The following SCLT1 variants were observed in gnomAD, a reference collection of about 807,000 sequenced individuals.
The protein encoded by SCLT1 is sodium channel-associated protein 1.
SCLT1 carries 78 observed loss-of-function variants against 112.8 expected under a neutral mutation model. The ratio of observed to expected loss-of-function variants is 0.69; its 90% confidence interval spans 0.58 to 0.83. The LOEUF (loss-of-function observed/expected upper bound fraction) is 0.83, where lower values mean the gene tolerates loss of function less well. SCLT1 is among the 40% of genes least tolerant of loss of function. The pLI, the probability that SCLT1 is intolerant of heterozygous loss-of-function variation, is 0.00. For synonymous variants in SCLT1, 257 were observed against 254.7 expected, an observed-to-expected ratio of 1.01 and a Z score of -0.09; for missense variants, 747 against 770.4, an observed-to-expected ratio of 0.97 and a Z score of 0.36.
intron 2 of SCLT1, among the ~76,000 whole-genome samples, chr4:129,066,405 T>C (rs998199365): frequency 8.6e-5 from 13 of 151,862 alleles, no homozygotes; most frequent in Non-Finnish European, 1.8e-4. Context: ...CAAAACAAAA[T>C]ATTTGACATT....
chr4:128,942,890 A>G, intron 17 of SCLT1, 106 bp downstream of exon 17: 1 of 734,604 alleles, frequency 1.4e-6, no homozygotes, highest in Non-Finnish European at 2.3e-6. Context: ...ATCTGATGAG[A>G]AGGCAAAAAA....
Position 128,948,575 on chromosome 4 carries a change from A to G in SCLT1, c.1219-5T>C. On this transcript the variant is annotated splice_region_variant and splice_polypyrimidine_tract_variant and intron_variant, in intron 14 of 20. Transcript: ENST00000281142. ...GCCTTGTTTTTCAGCACACTCCTATAAATTCAAGTCATATTGTAAATATAT... is the reference window on the plus strand; with the variant it reads ...GCCTTGTTTTTCAGCACACTCCTATGAATTCAAGTCATATTGTAAATATAT... 6.3e-7 allele frequency: 1 copy of G among 1,590,570 alleles called. No homozygotes were observed. The highest frequency in any genetic ancestry group is 1.1e-5 in the South Asian group (1 of 90,072).
chr4:128,905,209 C>A (rs1734602658), intron 18 of SCLT1, among the ~76,000 whole-genome samples: 1 of 152,202 alleles, frequency 6.6e-6, no homozygotes, highest in Non-Finnish European at 1.5e-5. Flanking sequence ...ATCTACCTGG[C>A]TGCTCAAGTC....
intron 9 of SCLT1, among the ~76,000 whole-genome samples, chr4:128,978,947 C>T (rs750125213): frequency 4.6e-5 from 7 of 152,070 alleles, no homozygotes; most frequent in Non-Finnish European, 1.0e-4. Flanking sequence ...ATTACAGCAG[C>T]AACAACAAAA....
At chr4:128,880,819 A>AGTAT (rs1732623392), downstream of SCLT1, among the ~76,000 whole-genome samples, 2 of 152,198 alleles carry the variant, frequency 1.3e-5, no homozygotes, top group South Asian at 4.1e-4. Context: ...TTCCTAAGAA[A>AGTAT]GTATGTTTCG....
chr4:129,075,717 G>T (rs1579942522), intron 2 of SCLT1, among the ~76,000 whole-genome samples: 1 of 152,112 alleles, frequency 6.6e-6, no homozygotes, highest in African/African-American at 2.4e-5. Flanking sequence ...ATCAGAGAAA[G>T]ATCTACTGGA....
At chr4:128,954,461 C>T (rs1301333471) in intron 13 of SCLT1, among the ~76,000 whole-genome samples, 1 of 151,926 alleles carries the variant, frequency 6.6e-6, no homozygotes, top group Non-Finnish European at 1.5e-5. Flanking sequence ...CTACAGGCAC[C>T]TGCCACCACA....
At chr4:128,915,857 T>C (rs1042299579) in intron 18 of SCLT1, among the ~76,000 whole-genome samples, 1 of 152,232 alleles carries the variant, frequency 6.6e-6, no homozygotes, top group Non-Finnish European at 1.5e-5. Context: ...GACAGACTGT[T>C]TTAAAACATG....
chr4:128,915,943 A>G (rs1307043977), intron 18 of SCLT1, among the ~76,000 whole-genome samples: 2 of 152,266 alleles, frequency 1.3e-5, no homozygotes, highest in Admixed American at 6.5e-5. Context: ...ATGGGACAGA[A>G]TAAGTTCTTA....
chr4:129,053,687 T>C (rs1749073760), intron 2 of SCLT1, among the ~76,000 whole-genome samples: 1 of 150,526 alleles, frequency 6.6e-6, no homozygotes, highest in African/African-American at 2.4e-5. Flanking sequence ...AGCGGACTGA[T>C]GGGTCTTGAC....
At chr4:129,058,459 C>A (rs74663436) in intron 2 of SCLT1, among the ~76,000 whole-genome samples, 2,142 of 152,120 alleles carry the variant, frequency 0.014, 52 homozygotes, top group African/African-American at 0.046. Flanking sequence ...TTCTTAATTT[C>A]TTCATTGACC....
At chr4:129,056,610 T>C (rs1279144014) in intron 2 of SCLT1, among the ~76,000 whole-genome samples, 1 of 152,244 alleles carries the variant, frequency 6.6e-6, no homozygotes, top group African/African-American at 2.4e-5. Context: ...TAAATGAGAT[T>C]GCTTTCTTGA....
intron 5 of SCLT1, among the ~76,000 whole-genome samples, chr4:129,017,514 A>G (rs1745095600): frequency 6.6e-6 from 1 of 151,934 alleles, no homozygotes; most frequent in Admixed American, 6.6e-5. Context: ...AGTACCCTAA[A>G]GGTTTAAGAA....
chr4:128,885,698 T>C (rs945861824), intron 20 of SCLT1, among the ~76,000 whole-genome samples: 4 of 152,210 alleles, frequency 2.6e-5, no homozygotes, highest in African/African-American at 9.6e-5. Flanking sequence ...TCAAAGGTTA[T>C]ATACATTTAC....
intron 2 of SCLT1, among the ~76,000 whole-genome samples, chr4:129,053,848 T>A (rs1455670002): frequency 6.6e-6 from 1 of 152,112 alleles, no homozygotes; most frequent in East Asian, 1.9e-4. Context: ...CTTCATAGTG[T>A]CAATGGTCTT....
intron 18 of SCLT1, among the ~76,000 whole-genome samples, chr4:128,920,416 C>T (rs968785254): frequency 6.6e-6 from 1 of 152,160 alleles, no homozygotes; most frequent in Non-Finnish European, 1.5e-5. Flanking sequence ...ATCAGCCTCC[C>T]CAATAGCTGG....
chr4:128,955,433 ATTAT>A (rs1288623233), intron 13 of SCLT1, among the ~76,000 whole-genome samples: 4 of 152,108 alleles, frequency 2.6e-5, no homozygotes, highest in Non-Finnish European at 5.9e-5. Context: ...ACAAATTTTA[ATTAT>A]TTGAGAGATA....
At chr4:129,057,074 T>C (rs897481894) in intron 2 of SCLT1, among the ~76,000 whole-genome samples, 6 of 152,250 alleles carry the variant, frequency 3.9e-5, no homozygotes, top group Admixed American at 3.9e-4. Flanking sequence ...GCTTGCTTTT[T>C]TTGGATCTAT....
intron 18 of SCLT1, among the ~76,000 whole-genome samples, chr4:128,899,415 G>T (rs1375410590): frequency 1.3e-5 from 2 of 152,168 alleles, no homozygotes; most frequent in African/African-American, 2.4e-5. Context: ...CAGAACCAAT[G>T]ACAAAAACCA....
Sources: allele counts gnomAD v4.1 joint callset (sites outside exome capture counted in the v4.1 genomes callset), GRCh38; gene constraint gnomAD v4.1.1; transcripts MANE v1.5; gene names NCBI Gene and HGNC (gene_info 2026-07-23, HGNC 2026-07-21).